Variants in ME2 observed in about 807,000 individuals in gnomAD.
ME2 encodes the protein NAD-dependent malic enzyme, mitochondrial.
In ME2, 60 loss-of-function variants were observed where a neutral mutation model predicts 73.7. That is an observed-to-expected ratio of 0.81 (90% CI 0.66 to 1.01). The LOEUF (loss-of-function observed/expected upper bound fraction) is 1.01. Ranked by LOEUF, ME2 falls within the 50% of genes least tolerant of loss-of-function variation. The probability of loss-of-function intolerance (pLI) is 0.00; values close to 1 mark genes in which losing one functional copy is unlikely to be tolerated. For synonymous variants in ME2, 199 were observed against 236.9 expected (o/e 0.84, Z 1.47); for missense variants, 594 against 705.5 (o/e 0.84, Z 1.79).
chr18:50,891,556 C>T (rs377025655), intron 1 of ME2, among the ~76,000 whole-genome samples: 9 of 151,992 alleles, frequency 5.9e-5, no homozygotes, highest in Non-Finnish European at 1.3e-4. Flanking sequence ...ATGGAAAGTC[C>T]CAGAGGTAGC....
chr18:50,881,961 G>A (rs1916334955), intron 1 of ME2, among the ~76,000 whole-genome samples: 1 of 152,174 alleles, frequency 6.6e-6, no homozygotes, highest in East Asian at 1.9e-4. Flanking sequence ...GATTTACTCA[G>A]CATCACAGAG....
At chr18:50,939,808 TA>T (rs1469505158) in intron 14 of ME2, 168 bp downstream of exon 14, 3 of 553,442 alleles carry the variant, frequency 5.4e-6, no homozygotes, top group Non-Finnish European at 6.4e-6. Context: ...TTAATTTTTT[TA>T]ATCATGACTT....
intron 1 of ME2, among the ~76,000 whole-genome samples, chr18:50,884,237 CTTTAA>C (rs1916401933): frequency 6.6e-6 from 1 of 152,062 alleles, no homozygotes; most frequent in South Asian, 2.1e-4. Flanking sequence ...TATGTTTTAT[CTTTAA>C]TTATAATACT....
Position 50,948,057 on chromosome 18 carries a change from A to G in ME2, c.*873A>G, listed in dbSNP as rs1382454786. The G allele has an allele frequency of 6.6e-6, 1 of 152,240 alleles. No individual in the cohort carries two copies. The highest frequency in any genetic ancestry group is 1.5e-5 in the Non-Finnish European group (1 of 68,046). The allele number at this position is 152,240 out of a possible 1,614,324, so 9.4% of individuals were successfully genotyped here. A position where few individuals can be genotyped will look rare whatever the true frequency, so the allele number is the denominator to read the frequency against. ...TCTAAATTAGTCATGCTTCACATCAAAATGAGTCATATTTAACTGGAGAAA... is the reference window on the plus strand; with the variant it reads ...TCTAAATTAGTCATGCTTCACATCAGAATGAGTCATATTTAACTGGAGAAA... On this transcript the variant is annotated 3_prime_UTR_variant, in exon 16 of 16. Transcript: ENST00000321341.
chr18:50,926,663 T>C (rs1917560128), intron 12 of ME2, among the ~76,000 whole-genome samples: 1 of 152,238 alleles, frequency 6.6e-6, no homozygotes, highest in Non-Finnish European at 1.5e-5. Flanking sequence ...ATCTCATTTA[T>C]CTTTTACACT....
intron 13 of ME2, among the ~76,000 whole-genome samples, chr18:50,936,673 C>T (rs998819707): frequency 3.9e-5 from 6 of 152,104 alleles, no homozygotes; most frequent in Admixed American, 1.3e-4. Flanking sequence ...CACCCATAAT[C>T]CCAGCACTTT....
chr18:50,898,083 C>T (rs887895727), intron 2 of ME2, among the ~76,000 whole-genome samples: 6 of 152,058 alleles, frequency 3.9e-5, no homozygotes, highest in African/African-American at 7.2e-5. Context: ...AAAGAAATCT[C>T]ATTTGTGCTT....
At chr18:50,924,673 G>A (rs939405571) in intron 11 of ME2, among the ~76,000 whole-genome samples, 2 of 151,976 alleles carry the variant, frequency 1.3e-5, no homozygotes, top group Admixed American at 6.6e-5. Flanking sequence ...TTGCTGTATA[G>A]CTGTAAGTTT....
At chr18:50,913,092 A>G in intron 4 of ME2, 142 bp downstream of exon 4, 1 of 617,298 alleles carries the variant, frequency 1.6e-6, no homozygotes. Flanking sequence ...TGATTAAAAG[A>G]GATTAACAAA....
chr18:50,887,926 G>A (rs539379468), intron 1 of ME2, among the ~76,000 whole-genome samples: 125 of 152,270 alleles, frequency 8.2e-4, no homozygotes, highest in African/African-American at 2.9e-3. Flanking sequence ...GCATGAACTG[G>A]TGACCATAAA....
At chr18:50,927,103 T>G (rs188412126) in intron 12 of ME2, among the ~76,000 whole-genome samples, 1 of 152,366 alleles carries the variant, frequency 6.6e-6, no homozygotes, top group Admixed American at 6.5e-5. Flanking sequence ...ATAGCCCAAT[T>G]ACAAATATCT....
chr18:50,912,543 A>G, intron 3 of ME2, among the ~76,000 whole-genome samples: 1 of 152,178 alleles, frequency 6.6e-6, no homozygotes, highest in Non-Finnish European at 1.5e-5. Context: ...CCTGACCCAC[A>G]GTTAGGGTTC....
chr18:50,944,629 G>T (rs1191223452), intron 15 of ME2, among the ~76,000 whole-genome samples: 1 of 152,134 alleles, frequency 6.6e-6, no homozygotes, highest in Non-Finnish European at 1.5e-5. Flanking sequence ...AAAGAGATTT[G>T]CAGTGAGTGT....
chr18:50,909,621 T>C (rs866651447), intron 3 of ME2, among the ~76,000 whole-genome samples: 2 of 152,206 alleles, frequency 1.3e-5, no homozygotes. Context: ...GTTTCTTTGA[T>C]GTGATAGAGC....
rs1918109750 is a variant in ME2, at chr18:50,947,342, T to A, written c.*158T>A. 4.5e-6 allele frequency: 3 copies of A among 661,146 alleles called. No homozygotes were observed. Among genetic ancestry groups the A allele is most frequent in the Non-Finnish European group, 5.1e-6 (2 of 391,796 alleles). 41.0% of individuals were successfully genotyped at this position (661,146 alleles called of 1,614,324 possible). On this transcript the variant is annotated 3_prime_UTR_variant, in exon 16 of 16. Transcript: ENST00000321341. ...CCATGCGTCTCCACATCTGTTGGGGTAGACGTGTTGATTGATTGCATTGCC... is the reference window on the plus strand; with the variant it reads ...CCATGCGTCTCCACATCTGTTGGGGAAGACGTGTTGATTGATTGCATTGCC...
At position 50,952,092 on chromosome 18, in the gene ME2, T is replaced by G. The variant is rs960853467; in HGVS notation, c.*4908T>G. The G allele has an allele frequency of 2.6e-5, 4 of 152,178 alleles. No homozygotes were observed. Among genetic ancestry groups the G allele is most frequent in the African/African-American group, 9.7e-5 (4 of 41,444 alleles). The allele number at this position is 152,178 out of a possible 1,614,324, so 9.4% of individuals were successfully genotyped here. Reference sequence around the variant, plus strand: ...ACCACACGTGTTCAGGTGCCATGTATTCATATAGCTCTCAACTGATTGGTG... The same window carrying G: ...ACCACACGTGTTCAGGTGCCATGTAGTCATATAGCTCTCAACTGATTGGTG... On this transcript the variant is annotated 3_prime_UTR_variant, in exon 16 of 16. Coordinates refer to ENST00000321341, the MANE Select transcript of ME2 (RefSeq NM_002396.5).
rs557004046 is a variant in ME2 at position 50,926,840 on chromosome 18, T to G, written c.1314+942T>G. ...ATTTGTAGAATTTGTGTTTTATCTGTATAGTAATTTATTAATTTAGTAACA... is the reference window on the plus strand; with the variant it reads ...ATTTGTAGAATTTGTGTTTTATCTGGATAGTAATTTATTAATTTAGTAACA... On this transcript the variant is annotated intron_variant, in intron 12 of 15. Transcript: ENST00000321341. Among the ~76,000 whole-genome samples, 3 of 152,374 alleles carry G rather than the reference T, an allele frequency of 2.0e-5. No homozygotes were observed. In the South Asian group the frequency reaches 6.2e-4, roughly 32 times the overall value.
In ME2 at chr18:50,947,599, G is replaced by A. The variant is rs1231357289; in HGVS notation, c.*415G>A. 6.5e-6 allele frequency: 1 copy of A among 153,360 alleles called. No homozygotes were observed. The highest frequency in any genetic ancestry group is 2.4e-5 in the African/African-American group (1 of 41,470). The allele number at this position is 153,360 out of a possible 1,614,324, so 9.5% of individuals were successfully genotyped here. A position where few individuals can be genotyped will look rare whatever the true frequency, so the allele number is the denominator to read the frequency against. On this transcript the variant is annotated 3_prime_UTR_variant, in exon 16 of 16. Transcript: ENST00000321341. ...TATGGATAGAAGTACAGAATTTTGA[G>A]AAGAAACTAAATTTTCACCAAATTT... is the stretch of plus-strand genomic sequence containing the variant.
intron 7 of ME2, among the ~76,000 whole-genome samples, chr18:50,920,183 G>A (rs2144237189): frequency 6.6e-6 from 1 of 152,274 alleles, no homozygotes; most frequent in Admixed American, 6.5e-5. Context: ...GTCAAAGGAA[G>A]TGTCCTCCTG....
Sources: allele counts gnomAD v4.1 joint callset (sites outside exome capture counted in the v4.1 genomes callset), GRCh38; gene constraint gnomAD v4.1.1; transcripts MANE v1.5; gene names NCBI Gene and HGNC (gene_info 2026-07-23, HGNC 2026-07-21).